CRACD: variants seen among roughly 807,000 people sequenced by gnomAD.
CRACD encodes the protein capping protein-inhibiting regulator of actin dynamics.
CRACD carries 56 observed loss-of-function variants against 106.8 expected under a neutral mutation model. The observed-to-expected ratio is 0.52, with a 90% CI of 0.42 to 0.66. CRACD has a LOEUF of 0.66. Among genes scored for constraint, CRACD ranks in the 30% least tolerant of loss-of-function variants. The pLI, the probability that CRACD is intolerant of heterozygous loss-of-function variation, is 0.00. For missense variants in CRACD, 1,730 were observed against 1,623.2 expected, an observed-to-expected ratio of 1.07 and a Z score of -1.13; for synonymous variants, 754 against 670.8, an observed-to-expected ratio of 1.12 and a Z score of -1.92.
rs1201014266 is a variant in CRACD, at chr4:56,232,255, C to A, written c.-188-40066C>A. ...TTTTTATCTGCCTTTTTTAACTCAA[C>A]ATAATTATTCTGATTAACTCAGATT... On this transcript the variant is annotated intron_variant, in intron 2 of 10. Transcript: ENST00000682029. Among the ~76,000 whole-genome samples the A allele has an allele frequency of 8.5e-5, 13 of 152,254 alleles. 1 individual carries two copies. Among genetic ancestry groups the A allele is most frequent in the African/African-American group, 3.1e-4 (13 of 41,532 alleles).
chr4:56,271,015 G>C (rs1393012954), intron 2 of CRACD, among the ~76,000 whole-genome samples: 1 of 149,898 alleles, frequency 6.7e-6, no homozygotes, highest in Non-Finnish European at 1.5e-5. Flanking sequence ...TGAGACAGGA[G>C]AATCACTTGA....
At chr4:56,270,909 C>A (rs1742311475) in intron 2 of CRACD, among the ~76,000 whole-genome samples, 1 of 142,932 alleles carries the variant, frequency 7.0e-6, no homozygotes, top group South Asian at 2.4e-4. Flanking sequence ...TGGTGAAGCA[C>A]CGTCTCTACT....
At chr4:56,074,473 T>G (rs1732765852) in intron 1 of CRACD, among the ~76,000 whole-genome samples, 1 of 152,224 alleles carries the variant, frequency 6.6e-6, no homozygotes, top group African/African-American at 2.4e-5. Flanking sequence ...TCACTCATAA[T>G]TTGGCTCTCT....
At chr4:56,247,099 A>T (rs902550674) in intron 2 of CRACD, among the ~76,000 whole-genome samples, 1 of 152,192 alleles carries the variant, frequency 6.6e-6, no homozygotes, top group Non-Finnish European at 1.5e-5. Flanking sequence ...AGTTGCAAAT[A>T]ATCCAAGCTT....
intron 1 of CRACD, among the ~76,000 whole-genome samples, chr4:56,153,396 C>T (rs1735654195): frequency 6.6e-6 from 1 of 152,188 alleles, no homozygotes; most frequent in Non-Finnish European, 1.5e-5. Flanking sequence ...GATGTCAGGC[C>T]TTATTCTTTG....
At chr4:56,224,824 T>A (rs1271256615) in intron 2 of CRACD, among the ~76,000 whole-genome samples, 4 of 152,256 alleles carry the variant, frequency 2.6e-5, no homozygotes, top group African/African-American at 9.6e-5. Flanking sequence ...TAAAGCCAGC[T>A]CTTCCAGCAC....
chr4:56,309,139 T>C (rs1270027675), intron 5 of CRACD: 1 of 397,922 alleles, frequency 2.5e-6, no homozygotes, highest in African/African-American at 2.1e-5. Flanking sequence ...AGAGGTCTCT[T>C]ATTTGGGTGA....
At chr4:56,218,281 C>A (rs1738822252) in intron 2 of CRACD, among the ~76,000 whole-genome samples, 1 of 151,768 alleles carries the variant, frequency 6.6e-6, no homozygotes, top group Non-Finnish European at 1.5e-5. Flanking sequence ...TTCTTCTTTT[C>A]TTTTTTTTCA....
At chr4:56,063,237 A>G (rs1235858863) in intron 1 of CRACD, among the ~76,000 whole-genome samples, 1 of 151,762 alleles carries the variant, frequency 6.6e-6, no homozygotes, top group Non-Finnish European at 1.5e-5. Context: ...TCTGTTGCCC[A>G]GGCTGGCATG....
At position 56,315,095 on chromosome 4, in the gene CRACD, G is replaced by C. The variant is rs766254089; in HGVS notation, c.1593G>C (p.Gln531His). ...GGTGGCAGGAGGTGGACGAGAGACA[G>C]ACCATGCCCCGGCCCTACACGTTCC... is the stretch of plus-strand genomic sequence containing the variant. ...ELRWQEVDER[Q>H]TMPRPYTFQV... The change falls in exon 8 of 11, where the codon CAG becomes CAC. Residue 531 changes from glutamine (Q) to histidine (H), a missense_variant. Transcript: ENST00000682029. The surrounding 1 kb of genome is among the most constrained non-coding windows in gnomAD (Gnocchi z 4.1). The C allele has an allele frequency of 1.4e-5, 22 of 1,611,218 alleles. No homozygotes were observed. The African/African-American group carries it at 2.7e-4, about 20-fold the overall frequency.
intron 1 of CRACD, among the ~76,000 whole-genome samples, chr4:56,064,878 T>A (rs1732406255): frequency 6.6e-6 from 1 of 152,164 alleles, no homozygotes; most frequent in African/African-American, 2.4e-5. Flanking sequence ...CAGTGCCCTC[T>A]TAGTGATCTG....
chr4:56,244,991 C>T (rs570792220), intron 2 of CRACD, among the ~76,000 whole-genome samples: 4 of 152,330 alleles, frequency 2.6e-5, no homozygotes, highest in Non-Finnish European at 5.9e-5. Flanking sequence ...ATTTTCTCAC[C>T]TTCATTTCTT....
chr4:56,139,151 CA>C (rs1424175445), intron 1 of CRACD, among the ~76,000 whole-genome samples: 2 of 152,134 alleles, frequency 1.3e-5, no homozygotes, highest in Non-Finnish European at 2.9e-5. Context: ...TATCTTTAAG[CA>C]ATAAAATCTT....
chr4:56,127,505 T>A (rs1344410154), intron 1 of CRACD, among the ~76,000 whole-genome samples: 1 of 152,172 alleles, frequency 6.6e-6, no homozygotes, highest in Non-Finnish European at 1.5e-5. Context: ...GTTACTGAAA[T>A]TATGTTTCCT....
intron 2 of CRACD, among the ~76,000 whole-genome samples, chr4:56,264,682 A>C (rs1741900108): frequency 1.3e-5 from 2 of 152,262 alleles, no homozygotes; most frequent in African/African-American, 4.8e-5. Flanking sequence ...TAAGAGATTA[A>C]AGTAAAGACA....
intron 1 of CRACD, among the ~76,000 whole-genome samples, chr4:56,093,230 C>T (rs567133602): frequency 1.3e-5 from 2 of 152,236 alleles, no homozygotes; most frequent in East Asian, 1.9e-4. Flanking sequence ...GTGTGCTAGG[C>T]ACTGAGGAGT....
intron 1 of CRACD, among the ~76,000 whole-genome samples, chr4:56,056,722 G>T (rs1192566964): frequency 1.3e-5 from 2 of 152,086 alleles, no homozygotes; most frequent in Non-Finnish European, 2.9e-5. Context: ...GAGCTAGGGA[G>T]GTTGAGGCTA....
chr4:56,222,121 A>G (rs1338064769), intron 2 of CRACD, among the ~76,000 whole-genome samples: 1 of 152,258 alleles, frequency 6.6e-6, no homozygotes, highest in Non-Finnish European at 1.5e-5. Flanking sequence ...TCACAGTTGC[A>G]AAGATATGGA....
At chr4:56,302,256 A>G (rs1332339304) in intron 4 of CRACD, among the ~76,000 whole-genome samples, 1 of 152,216 alleles carries the variant, frequency 6.6e-6, no homozygotes, top group Admixed American at 6.5e-5. Flanking sequence ...TTCAGCTACA[A>G]TGACCTTGAC....
Sources: allele counts gnomAD v4.1 joint callset (sites outside exome capture counted in the v4.1 genomes callset), GRCh38; gene constraint gnomAD v4.1.1; non-coding constraint Gnocchi (gnomAD v3.1); transcripts MANE v1.5; gene names NCBI Gene and HGNC (gene_info 2026-07-23, HGNC 2026-07-21).